The following SART3 variants were observed in gnomAD, a reference collection of about 807,000 sequenced individuals.
The protein encoded by SART3 is HIV-1 Tat-interacting protein of 110kDa.
A neutral mutation model predicts 122.3 loss-of-function variants in SART3; 44 were observed. That is an observed-to-expected ratio of 0.36 (90% confidence interval 0.28 to 0.46). SART3 has a LOEUF of 0.46. SART3 is among the 20% of genes least tolerant of loss of function. The pLI is 1.00. For synonymous variants in SART3, 442 were observed against 454.0 expected (o/e 0.97, Z 0.34); for missense variants, 1,101 against 1,229.0 (o/e 0.90, Z 1.56).
chr12:108,527,459 G>A (rs574140736), intron 15 of SART3, among the ~76,000 whole-genome samples: 14 of 152,270 alleles, frequency 9.2e-5, no homozygotes, highest in Admixed American at 6.5e-4. Flanking sequence ...TTCCTGGTAC[G>A]AAGTTGACCC....
intron 4 of SART3, chr12:108,544,772 C>A: frequency 1.7e-6 from 1 of 582,920 alleles, no homozygotes; most frequent in Non-Finnish European, 3.0e-6. Flanking sequence ...ACTACATTGC[C>A]CAGGCTGGTC....
chr12:108,534,002 A>G (rs1337710849), intron 12 of SART3, among the ~76,000 whole-genome samples: 3 of 152,230 alleles, frequency 2.0e-5, no homozygotes, highest in Non-Finnish European at 4.4e-5. Flanking sequence ...AACAGATCAC[A>G]ACAGACAGAA....
chr12:108,530,086 C>T (rs1015616857), intron 15 of SART3, 56 bp downstream of exon 15: 2 of 1,596,216 alleles, frequency 1.3e-6, no homozygotes, highest in Non-Finnish European at 1.7e-6. Context: ...ATACTGTATT[C>T]GCAACTTCTC....
Position 108,530,775 on chromosome 12 carries a change from G to A in SART3, c.1746+429C>T, listed in dbSNP as rs541032475. ...CGAGAAGCTGAGGCAGAAGAATGGC[G>A]TGAACCCGGGAGGCAGAGCTTGCAG... On this transcript the variant is annotated intron_variant, in intron 14 of 18. Transcript: ENST00000546815. Among the ~76,000 whole-genome samples the A allele has an allele frequency of 1.2e-4, 19 of 152,060 alleles. No individual in the cohort carries two copies. The East Asian group carries it at 1.5e-3, about 12-fold the overall frequency.
intron 14 of SART3, 76 bp from the exon 15 acceptor site, chr12:108,530,386 G>A (rs1872622414): frequency 6.6e-7 from 1 of 1,512,600 alleles, no homozygotes; most frequent in African/African-American, 1.4e-5. Context: ...TGAAAGGGGA[G>A]AAGGAGTGGA....
intron 12 of SART3, among the ~76,000 whole-genome samples, chr12:108,533,666 T>TTCC: frequency 6.6e-6 from 1 of 152,358 alleles, no homozygotes; most frequent in South Asian, 2.1e-4. Flanking sequence ...GTCTGACAGC[T>TTCC]TCCTACTTAA....
At chr12:108,550,535 C>A (rs78885520) in intron 1 of SART3, among the ~76,000 whole-genome samples, 3,785 of 152,246 alleles carry the variant, frequency 0.025, 153 homozygotes, top group African/African-American at 0.086. Flanking sequence ...ACTGAGAAAA[C>A]TATTCAAAGC....
At chr12:108,531,419 G>T in intron 13 of SART3, 139 bp from the exon 14 acceptor site, 1 of 693,570 alleles carries the variant, frequency 1.4e-6, no homozygotes, top group African/African-American at 1.8e-5. Context: ...CTGTAGGCTT[G>T]AAGTTCAGAA....
chr12:108,530,618 A>T (rs1872636184), intron 14 of SART3, among the ~76,000 whole-genome samples: 1 of 152,198 alleles, frequency 6.6e-6, no homozygotes, highest in Non-Finnish European at 1.5e-5. Flanking sequence ...GCACTTTGGG[A>T]GGCCGAGATG....
chr12:108,544,319 A>G, intron 5 of SART3, 108 bp downstream of exon 5: 1 of 970,126 alleles, frequency 1.0e-6, no homozygotes, highest in South Asian at 1.3e-5. Context: ...TAAGAACACC[A>G]GCTTTACCTG....
In SART3 at chr12:108,530,266, C is replaced by T; in HGVS notation, c.1791G>A (p.Lys597=). ...EAALVQQEEE[K]AEQRKRARAE... ...CCCGAGCTCTTTTCCGTTGTTCAGC[C>T]TTTTCTTCTTCTTGCTGCACAAGGG... The change falls in exon 15 of 19, where the codon AAG becomes AAA. Residue 597 remains lysine, a synonymous_variant. Coordinates refer to ENST00000546815, the MANE Select transcript of SART3 (RefSeq NM_014706.4). The T allele has an allele frequency of 6.2e-7, 1 of 1,614,116 alleles. No individual in the cohort carries two copies. The highest frequency in any genetic ancestry group is 8.5e-7 in the Non-Finnish European group (1 of 1,180,032).
rs751489897 is a variant in SART3, at chr12:108,530,235, T to G, written c.1822A>C (p.Lys608Gln). ...AEQRKRARAE[K>Q]KALKKKKKIR... ...TTTTTCTTCTTTTTTAACGCTTTCT[T>G]CTCAGCCCGAGCTCTTTTCCGTTGT... The change falls in exon 15 of 19, where the codon AAG (lysine) becomes CAG (glutamine). Residue 608 changes from lysine (K) to glutamine (Q), a missense_variant. Lys to Gln is a moderately conservative substitution (Grantham distance 53). This residue lies in a region of SART3 where 885 missense variants were observed against 1,080.1 expected (regional missense o/e 0.82). Coordinates refer to ENST00000546815, the MANE Select transcript of SART3 (RefSeq NM_014706.4). The G allele has an allele frequency of 6.2e-6, 10 of 1,614,094 alleles. No homozygotes were observed. The African/African-American group carries it at 1.1e-4, about 17-fold the overall frequency.
rs566575420 is a variant in SART3, at chr12:108,545,283, A to G, written c.585T>C (p.Gly195=). The G allele has an allele frequency of 5.0e-6, 8 of 1,614,176 alleles. No individual in the cohort carries two copies. The highest frequency in any genetic ancestry group is 6.8e-6 in the Non-Finnish European group (8 of 1,180,012). ...CAAGGCCACCTTTCTGACCAATCCCACCAACTGAGTACTGGCCATACTCTA... is the reference window on the plus strand; with the variant it reads ...CAAGGCCACCTTTCTGACCAATCCCGCCAACTGAGTACTGGCCATACTCTA... The part of the protein sequence containing the change: ...IWLEYGQYSV[G]GIGQKGGLEK... Residue 195 remains glycine, a synonymous_variant, in exon 4 of 19, where the codon GGT becomes GGC. Coordinates refer to ENST00000546815, the MANE Select transcript of SART3 (RefSeq NM_014706.4).
rs746495564 is a variant in SART3 at position 108,532,239 on chromosome 12, G to T, written c.1652C>A (p.Thr551Asn). ...YPEHVCEVLL[T>N]MERTEGSLED... ...GGTCCCACCTTCTGTCCTCTCCATG[G>T]TGAGTAACACTTCGCAGACGTGCTC... is the stretch of plus-strand genomic sequence containing the variant. The change falls in exon 13 of 19, where the codon ACC (threonine) becomes AAC (asparagine). Residue 551 changes from threonine to asparagine, a missense_variant. By Grantham distance (65) the Thr-to-Asn change is moderately conservative (BLOSUM62 0). Coordinates refer to ENST00000546815, the MANE Select transcript of SART3 (RefSeq NM_014706.4). 1.2e-6 allele frequency: 2 copies of T among 1,614,060 alleles called. No homozygotes were observed. The highest frequency in any genetic ancestry group is 2.2e-5 in the South Asian group (2 of 91,084).
At chr12:108,534,457 G>A (rs1277522861) in intron 12 of SART3, among the ~76,000 whole-genome samples, 1 of 151,958 alleles carries the variant, frequency 6.6e-6, no homozygotes, top group Non-Finnish European at 1.5e-5. Context: ...GCCGAGGTAG[G>A]AGGATCACTT....
chr12:108,536,428 G>T, intron 11 of SART3, 86 bp downstream of exon 11: 1 of 1,309,686 alleles, frequency 7.6e-7, no homozygotes, highest in Non-Finnish European at 1.1e-6. Flanking sequence ...CATTATCTGG[G>T]ATTCTGACTC....
chr12:108,541,433 A>C (rs886861544), intron 6 of SART3, among the ~76,000 whole-genome samples: 2 of 152,142 alleles, frequency 1.3e-5, no homozygotes, highest in Admixed American at 1.3e-4. Context: ...AAAGACAAAC[A>C]ACTGGGGAGA....
chr12:108,534,708 T>C (rs2136672241), intron 12 of SART3, among the ~76,000 whole-genome samples: 1 of 152,282 alleles, frequency 6.6e-6, no homozygotes, highest in East Asian at 1.9e-4. Flanking sequence ...TGTCGCTTTC[T>C]ATCACATATT....
chr12:108,535,522 C>T, intron 11 of SART3, 54 bp from the exon 12 acceptor site: 1 of 1,335,028 alleles, frequency 7.5e-7, no homozygotes, highest in South Asian at 1.2e-5. Context: ...CGTCGACACC[C>T]ATCATACAAC....
Sources: gnomAD v4.1 joint callset for allele counts (sites outside exome capture counted in the v4.1 genomes callset) on GRCh38, gnomAD v4.1.1 for gene constraint, gnomAD v4.1.1 regional missense constraint, MANE v1.5 for transcripts, NCBI Gene and HGNC (gene_info 2026-07-23, HGNC 2026-07-21) for gene names.